EHMT1: variants seen among roughly 807,000 people sequenced by gnomAD.
The protein encoded by EHMT1 is euchromatic histone lysine methyltransferase 1, also known as histone-lysine N-methyltransferase EHMT1.
In EHMT1, 15 loss-of-function variants were observed where a neutral mutation model predicts 147.2. The ratio of observed to expected loss-of-function variants is 0.10; its 90% CI spans 0.07 to 0.16. EHMT1 has a LOEUF of 0.16. EHMT1 is among the 10% of genes least tolerant of loss of function. EHMT1 has a pLI of 1.00. For missense variants in EHMT1, 1,587 were observed against 1,772.4 expected (o/e 0.90, Z 1.88); for synonymous variants, 795 against 709.6 (o/e 1.12, Z -1.91).
At chr9:137,797,296 T>C (rs1564780714) in intron 16 of EHMT1, among the ~76,000 whole-genome samples, 1 of 152,132 alleles carries the variant, frequency 6.6e-6, no homozygotes, top group African/African-American at 2.4e-5. Flanking sequence ...TTCACGTCTA[T>C]TCCCACGGGG....
At chr9:137,817,910 C>T in intron 24 of EHMT1, 150 bp from the exon 25 acceptor site, 1 of 779,162 alleles carries the variant, frequency 1.3e-6, no homozygotes, top group Non-Finnish European at 2.2e-6. Context: ...AACCCCAGTT[C>T]AACCCTGGGC....
intron 1 of EHMT1, among the ~76,000 whole-genome samples, chr9:137,623,696 C>T (rs1259702063): frequency 6.6e-6 from 1 of 152,190 alleles, no homozygotes; most frequent in Non-Finnish European, 1.5e-5. Flanking sequence ...GCTGGGACTA[C>T]AGGAGTGAGC....
At chr9:137,783,756 C>T (rs1048250517) in intron 15 of EHMT1, among the ~76,000 whole-genome samples, 8 of 152,200 alleles carry the variant, frequency 5.3e-5, no homozygotes, top group Non-Finnish European at 1.2e-4. Context: ...ACGGGGCGCA[C>T]CGTCTGCTGT....
chr9:137,644,534 G>A (rs1000843996), intron 1 of EHMT1, among the ~76,000 whole-genome samples: 14 of 152,214 alleles, frequency 9.2e-5, no homozygotes, highest in African/African-American at 3.4e-4. Flanking sequence ...CGCCATATTG[G>A]CCAGGCTGGT....
chr9:137,699,688 A>G (rs1417879989), intron 1 of EHMT1, among the ~76,000 whole-genome samples: 16 of 144,296 alleles, frequency 1.1e-4, no homozygotes, highest in African/African-American at 3.4e-4. Context: ...AAAAAAAAAA[A>G]AGAGAAAAAG....
rs112951014 is a variant in EHMT1 at position 137,774,634 on chromosome 9, G to T, written c.1648-475G>T. Reference sequence around the variant, plus strand: ...CCCTGGATCTGGTGGATGTGGTCGCGTCTGGCCCCCTGGATCTGGTGGATG... The same window carrying T: ...CCCTGGATCTGGTGGATGTGGTCGCTTCTGGCCCCCTGGATCTGGTGGATG... On this transcript the variant is annotated intron_variant, in intron 10 of 26. Transcript: ENST00000460843. Among the ~76,000 whole-genome samples, 888 of 126,510 alleles carry T rather than the reference G, an allele frequency of 7.0e-3. 54 individuals carry two copies. Among genetic ancestry groups the T allele is most frequent in the African/African-American group, 0.031 (808 of 26,152 alleles). 83.0% of individuals were successfully genotyped at this position (126,510 alleles called of 152,430 possible).
At chr9:137,702,659 C>G (rs1337112750) in intron 1 of EHMT1, among the ~76,000 whole-genome samples, 1 of 152,176 alleles carries the variant, frequency 6.6e-6, no homozygotes, top group East Asian at 1.9e-4. Context: ...ATGGATCTAC[C>G]ATTCTGGGGT....
At chr9:137,756,376 C>T (rs1949377286) in intron 8 of EHMT1, among the ~76,000 whole-genome samples, 1 of 152,334 alleles carries the variant, frequency 6.6e-6, no homozygotes, top group African/African-American at 2.4e-5. Flanking sequence ...ATACCAGTGT[C>T]ACCGAGTGGC....
At chr9:137,814,854 GA>G in intron 22 of EHMT1, 1 of 459,246 alleles carries the variant, frequency 2.2e-6, no homozygotes, top group Non-Finnish European at 4.0e-6. Context: ...TGCTGAGTGT[GA>G]GGGGTGTGAA....
rs187276774 is a variant in EHMT1 at position 137,648,390 on chromosome 9, C to A, written c.21+29341C>A. ...AGTAGCCAGCTGGGTTGTGGTGGTT[C>A]ACGCCTGTAATCCCAGTACTTTGGG... is the stretch of plus-strand genomic sequence containing the variant. On this transcript the variant is annotated intron_variant, in intron 1 of 26. Coordinates refer to ENST00000460843, the MANE Select transcript of EHMT1 (RefSeq NM_024757.5). 1.7e-3 allele frequency among the ~76,000 whole-genome samples: 262 copies of A among 151,598 alleles called. 2 individuals carry two copies. Among genetic ancestry groups the A allele is most frequent in the African/African-American group, 5.8e-3 (239 of 41,280 alleles).
intron 3 of EHMT1, among the ~76,000 whole-genome samples, chr9:137,721,624 A>C (rs1017076770): frequency 4.3e-5 from 6 of 141,128 alleles, no homozygotes; most frequent in Non-Finnish European, 9.3e-5. Flanking sequence ...TCTCACCCTC[A>C]TCCTCTCCCA....
chr9:137,648,956 T>C (rs926711802), intron 1 of EHMT1, among the ~76,000 whole-genome samples: 1 of 152,204 alleles, frequency 6.6e-6, no homozygotes, highest in African/African-American at 2.4e-5. Flanking sequence ...TTTTTCTGCT[T>C]ATGAGCTGTA....
intron 3 of EHMT1, among the ~76,000 whole-genome samples, chr9:137,718,372 C>T (rs976169798): frequency 6.6e-6 from 1 of 152,252 alleles, no homozygotes; most frequent in Non-Finnish European, 1.5e-5. Flanking sequence ...GGTTTGTGAT[C>T]ACATTCCCGT....
intron 1 of EHMT1, among the ~76,000 whole-genome samples, chr9:137,697,751 G>A (rs1279138343): frequency 6.6e-6 from 1 of 152,178 alleles, no homozygotes; most frequent in Non-Finnish European, 1.5e-5. Flanking sequence ...TTTAGTCTAA[G>A]AAAAGAACAA....
chr9:137,665,955 T>C (rs1589164799), intron 1 of EHMT1: 1 of 152,360 alleles, frequency 6.6e-6, no homozygotes, highest in East Asian at 1.9e-4. Flanking sequence ...GCCGCCGAGC[T>C]GGGCTACTGT....
At chr9:137,831,824 G>A (rs1338157358) in intron 25 of EHMT1, among the ~76,000 whole-genome samples, 1 of 152,234 alleles carries the variant, frequency 6.6e-6, no homozygotes, top group Non-Finnish European at 1.5e-5. Context: ...TTCTGCGTGG[G>A]CCTTGTTTCC....
Position 137,765,504 on chromosome 9 carries a change from C to A in EHMT1, c.1647+2684C>A, listed in dbSNP as rs78935936. On this transcript the variant is annotated intron_variant, in intron 10 of 26. Coordinates refer to ENST00000460843, the MANE Select transcript of EHMT1 (RefSeq NM_024757.5). Reference sequence around the variant, plus strand: ...TCACTTATTTTTTGGATAGAAAACTCAAAATAATAATAAATTAAATTAAAT... The same window carrying A: ...TCACTTATTTTTTGGATAGAAAACTAAAAATAATAATAAATTAAATTAAAT... 4.2e-3 allele frequency among the ~76,000 whole-genome samples: 641 copies of A among 152,248 alleles called. 16 individuals carry two copies. In the East Asian group the frequency reaches 0.081, roughly 19 times the overall value.
intron 10 of EHMT1, among the ~76,000 whole-genome samples, chr9:137,765,261 G>T (rs1210549139): frequency 6.6e-6 from 1 of 152,202 alleles, no homozygotes. Context: ...ACAAGCTTCA[G>T]CCGGGATTGG....
At chr9:137,742,816 A>T (rs1948217678) in intron 4 of EHMT1, 1 of 175,258 alleles carries the variant, frequency 5.7e-6, no homozygotes. Flanking sequence ...GCCTAGGAGG[A>T]TGGTGTCTGG....
Sources: allele counts gnomAD v4.1 joint callset (sites outside exome capture counted in the v4.1 genomes callset), GRCh38; gene constraint gnomAD v4.1.1; transcripts MANE v1.5; gene names NCBI Gene and HGNC (gene_info 2026-07-23, HGNC 2026-07-21).